The following FHIT variants were observed in gnomAD, a reference collection of about 807,000 sequenced individuals.
FHIT encodes the protein bis(5'-adenosyl)-triphosphatase.
Under a neutral mutation model 17.9 loss-of-function variants are expected in FHIT, and 19 were observed. That is an observed-to-expected ratio of 1.06 (90% CI 0.74 to 1.56). The LOEUF (loss-of-function observed/expected upper bound fraction) is 1.56. FHIT is among the 40% of genes most tolerant of loss of function. The pLI, the probability that FHIT is intolerant of heterozygous loss-of-function variation, is 0.00. For missense variants in FHIT, 248 were observed against 189.2 expected (o/e 1.31, Z -1.82); for synonymous variants, 81 against 69.7 (o/e 1.16, Z -0.81).
At chr3:60,516,075 C>T (rs2035142994) in intron 5 of FHIT, among the ~76,000 whole-genome samples, 1 of 152,146 alleles carries the variant, frequency 6.6e-6, no homozygotes, top group Admixed American at 6.5e-5. Flanking sequence ...GGGAAACATA[C>T]TATGGGTTCA....
intron 5 of FHIT, among the ~76,000 whole-genome samples, chr3:60,303,711 G>A (rs760678447): frequency 6.6e-6 from 1 of 152,156 alleles, no homozygotes; most frequent in Non-Finnish European, 1.5e-5. Flanking sequence ...CCCCTTGGAG[G>A]TGAGCTGTCC....
intron 4 of FHIT, among the ~76,000 whole-genome samples, chr3:60,555,251 A>T (rs1331073802): frequency 2.0e-5 from 3 of 152,320 alleles, no homozygotes; most frequent in African/African-American, 7.2e-5. Context: ...AAAGGAAATC[A>T]TAAAAAGTCA....
chr3:61,157,480 G>A (rs1209818614), intron 2 of FHIT, among the ~76,000 whole-genome samples: 8 of 152,168 alleles, frequency 5.3e-5, no homozygotes. Flanking sequence ...TCACCTTACT[G>A]TAGCAAAGGA....
intron 3 of FHIT, among the ~76,000 whole-genome samples, chr3:61,029,717 T>C (rs983169196): frequency 6.6e-6 from 1 of 152,248 alleles, no homozygotes; most frequent in African/African-American, 2.4e-5. Flanking sequence ...AAAGGAATTT[T>C]TTTTTCTTTT....
At chr3:60,354,905 G>T (rs1333264061) in intron 5 of FHIT, among the ~76,000 whole-genome samples, 1 of 152,082 alleles carries the variant, frequency 6.6e-6, no homozygotes, top group Non-Finnish European at 1.5e-5. Flanking sequence ...TAGTCCTATG[G>T]ACCTTTTCAC....
chr3:60,413,894 T>C (rs1286115019), intron 5 of FHIT, among the ~76,000 whole-genome samples: 16 of 152,224 alleles, frequency 1.1e-4, no homozygotes, highest in Admixed American at 9.8e-4. Context: ...CTGTGCTACA[T>C]GTTAGGGGAT....
chr3:60,622,551 G>A (rs1219934014), intron 4 of FHIT, among the ~76,000 whole-genome samples: 5 of 152,136 alleles, frequency 3.3e-5, no homozygotes, highest in African/African-American at 1.2e-4. Context: ...GGGAAAAGGA[G>A]CTTTTGAGTG....
chr3:59,959,620 T>C (rs1299893003), intron 7 of FHIT, among the ~76,000 whole-genome samples: 3 of 152,306 alleles, frequency 2.0e-5, no homozygotes, highest in South Asian at 4.1e-4. Context: ...AGTCACTGTG[T>C]CAACAGATAT....
intron 5 of FHIT, among the ~76,000 whole-genome samples, chr3:60,354,703 A>G (rs1024214175): frequency 3.3e-5 from 5 of 152,174 alleles, no homozygotes; most frequent in African/African-American, 1.2e-4. Flanking sequence ...ATGTCACCAA[A>G]TATGGCTTCT....
At chr3:60,288,532 CT>C (rs1456973347) in intron 5 of FHIT, among the ~76,000 whole-genome samples, 1 of 151,490 alleles carries the variant, frequency 6.6e-6, no homozygotes, top group Admixed American at 6.6e-5. Flanking sequence ...AATTGCAAAC[CT>C]CCTTAATCAT....
At chr3:60,744,227 T>C (rs1553714650) in intron 4 of FHIT, among the ~76,000 whole-genome samples, 1 of 133,924 alleles carries the variant, frequency 7.5e-6, no homozygotes, top group African/African-American at 3.0e-5. Context: ...CTTCTCTCCT[T>C]TGCAAATTGG....
At chr3:60,945,841 G>C (rs1553775656) in intron 3 of FHIT, among the ~76,000 whole-genome samples, 1 of 152,182 alleles carries the variant, frequency 6.6e-6, no homozygotes, top group Non-Finnish European at 1.5e-5. Context: ...GGCCATTGGA[G>C]AGTTGAGGTA....
At chr3:60,395,454 A>T (rs1223962035) in intron 5 of FHIT, among the ~76,000 whole-genome samples, 1 of 152,176 alleles carries the variant, frequency 6.6e-6, no homozygotes. Flanking sequence ...TTCACTCTTA[A>T]TCATTTACTA....
At chr3:60,094,103 A>C (rs896907918) in intron 5 of FHIT, among the ~76,000 whole-genome samples, 1 of 152,148 alleles carries the variant, frequency 6.6e-6, no homozygotes, top group Non-Finnish European at 1.5e-5. Flanking sequence ...AAGATTAAAA[A>C]ACAGAGAGAC....
intron 5 of FHIT, among the ~76,000 whole-genome samples, chr3:60,231,921 T>C (rs1704515751): frequency 6.6e-6 from 1 of 152,082 alleles, no homozygotes; most frequent in Non-Finnish European, 1.5e-5. Flanking sequence ...GCCTTAACCA[T>C]AGGGCTGAGG....
At chr3:61,031,660 G>A (rs1478966240) in intron 3 of FHIT, among the ~76,000 whole-genome samples, 2 of 152,186 alleles carry the variant, frequency 1.3e-5, no homozygotes, top group Non-Finnish European at 2.9e-5. Context: ...CCACAAGTGA[G>A]AATGTTGTTA....
At chr3:59,805,736 C>G (rs144627447) in intron 8 of FHIT, among the ~76,000 whole-genome samples, 96 of 152,256 alleles carry the variant, frequency 6.3e-4, no homozygotes, top group Admixed American at 9.8e-4. Context: ...TGGCCAGAGT[C>G]AAATTTTGCC....
At chr3:61,174,770 T>C (rs962686914) in intron 2 of FHIT, among the ~76,000 whole-genome samples, 8 of 152,226 alleles carry the variant, frequency 5.3e-5, no homozygotes, top group African/African-American at 1.9e-4. Context: ...CTTGAAAATG[T>C]TGTAGCTACA....
chr3:60,501,827 C>A (rs912264670), intron 5 of FHIT, among the ~76,000 whole-genome samples: 3 of 152,204 alleles, frequency 2.0e-5, no homozygotes, highest in African/African-American at 7.2e-5. Flanking sequence ...TGGAGTTATT[C>A]ATATTACTGT....
Sources: gnomAD v4.1 joint callset for allele counts (sites outside exome capture counted in the v4.1 genomes callset) on GRCh38, gnomAD v4.1.1 for gene constraint, MANE v1.5 for transcripts, NCBI Gene and HGNC (gene_info 2026-07-23, HGNC 2026-07-21) for gene names.